The following RBFOX1 variants were observed in gnomAD, a reference collection of about 807,000 sequenced individuals.
RBFOX1 encodes the protein RNA binding protein fox-1 homolog 1.
RBFOX1 carries 8 observed loss-of-function variants against 57.7 expected under a neutral mutation model. The ratio of observed to expected loss-of-function variants is 0.14; its 90% CI spans 0.08 to 0.25. The LOEUF is 0.25. Among genes scored for constraint, RBFOX1 ranks in the 10% least tolerant of loss-of-function variants. The pLI is 1.00. For missense variants in RBFOX1, 611 were observed against 548.5 expected, an observed-to-expected ratio of 1.11 and a Z score of -1.14; for synonymous variants, 326 against 222.4, an observed-to-expected ratio of 1.47 and a Z score of -4.15.
intron 3 of RBFOX1, among the ~76,000 whole-genome samples, chr16:7,014,717 C>A (rs1003093087): frequency 2.6e-5 from 4 of 151,654 alleles, no homozygotes; most frequent in Admixed American, 1.3e-4. Flanking sequence ...AACTAGAAGC[C>A]AAGTTCTTTA....
chr16:7,494,137 A>T (rs139619790), intron 4 of RBFOX1, among the ~76,000 whole-genome samples: 2 of 152,316 alleles, frequency 1.3e-5, no homozygotes, highest in African/African-American at 4.8e-5. Flanking sequence ...GTGAGAAGAG[A>T]TAATTCACAT....
At chr16:6,431,892 GCTTGCTTTCTTTCTTTCTTT>G (rs1436675040) in intron 2 of RBFOX1, among the ~76,000 whole-genome samples, 132 of 118,234 alleles carry the variant, frequency 1.1e-3, no homozygotes, top group African/African-American at 2.9e-3. Context: ...ATGCTTGCTT[GCTTGCTTTCTTTCTTTCTTT>G]CTTTCTTTCT....
At chr16:5,738,995 T>C (rs1256426581) in intron 3 of RBFOX1, among the ~76,000 whole-genome samples, 1 of 149,596 alleles carries the variant, frequency 6.7e-6, no homozygotes, top group Admixed American at 6.7e-5. Flanking sequence ...CACACACCCC[T>C]TCCTCCACAA....
intron 3 of RBFOX1, among the ~76,000 whole-genome samples, chr16:6,824,250 C>A (rs1464265018): frequency 1.3e-5 from 2 of 152,162 alleles, no homozygotes; most frequent in African/African-American, 2.4e-5. Context: ...ACTAAAAATA[C>A]AAAAATTAGC....
chr16:5,553,461 G>A (rs368070732), intron 2 of RBFOX1, among the ~76,000 whole-genome samples: 3 of 151,856 alleles, frequency 2.0e-5, no homozygotes, highest in South Asian at 2.1e-4. Flanking sequence ...GACTACAGGC[G>A]CCCGCCACCA....
intron 2 of RBFOX1, among the ~76,000 whole-genome samples, chr16:6,644,263 C>G (rs1470896254): frequency 1.3e-5 from 2 of 152,204 alleles, no homozygotes; most frequent in Non-Finnish European, 2.9e-5. Context: ...TGCATCCAAA[C>G]TATCAGAAAG....
intron 2 of RBFOX1, among the ~76,000 whole-genome samples, chr16:6,609,114 A>G (rs771893370): frequency 3.3e-5 from 5 of 152,192 alleles, no homozygotes; most frequent in Non-Finnish European, 2.9e-5. Flanking sequence ...AAGGTCTGCT[A>G]ATCAGCAACC....
intron 5 of RBFOX1, among the ~76,000 whole-genome samples, chr16:7,544,233 G>C (rs761079931): frequency 3.9e-5 from 6 of 152,298 alleles, no homozygotes; most frequent in Non-Finnish European, 8.8e-5. Context: ...GATGTCTTTA[G>C]GGAAATTATG....
At chr16:6,988,804 G>T (rs900009237) in intron 3 of RBFOX1, among the ~76,000 whole-genome samples, 6 of 144,708 alleles carry the variant, frequency 4.1e-5, no homozygotes, top group African/African-American at 1.3e-4. Context: ...ATGGAGTCTT[G>T]CTCATTGCCC....
At chr16:6,511,117 A>G (rs2096247551) in intron 2 of RBFOX1, among the ~76,000 whole-genome samples, 1 of 152,168 alleles carries the variant, frequency 6.6e-6, no homozygotes, top group Non-Finnish European at 1.5e-5. Context: ...AAGAGCAGGC[A>G]CTGGATAAAG....
chr16:5,617,675 A>T lies in RBFOX1; in HGVS notation c.318+18714A>T, dbSNP rs901375855. ...TGAAAATGAGTTGTTTCTGAGGACT[A>T]TACCCTGGAAAGCTAGTGTTTTTTC... On this transcript the variant is annotated intron_variant, in intron 3 of 19. Coordinates refer to the RBFOX1 transcript ENST00000641259. Among the ~76,000 whole-genome samples, 3 of 152,190 alleles carry T rather than the reference A, an allele frequency of 2.0e-5. No homozygotes were observed. The East Asian group carries it at 5.8e-4, about 29-fold the overall frequency.
intron 14 of RBFOX1, among the ~76,000 whole-genome samples, chr16:7,695,287 A>C (rs994906677): frequency 6.6e-6 from 1 of 152,196 alleles, no homozygotes; most frequent in Non-Finnish European, 1.5e-5. Flanking sequence ...TCTCCCAGCA[A>C]GTTCACCTTG....
At chr16:6,856,257 A>G (rs953819695) in intron 3 of RBFOX1, among the ~76,000 whole-genome samples, 1 of 152,148 alleles carries the variant, frequency 6.6e-6, no homozygotes, top group African/African-American at 2.4e-5. Flanking sequence ...CCATCTGCTC[A>G]GATCTTTTTA....
chr16:7,385,915 GTTACTTATTTAT>G (rs770650940), intron 4 of RBFOX1, among the ~76,000 whole-genome samples: 8,209 of 89,012 alleles, frequency 0.092, 269 homozygotes, highest in South Asian at 0.16. Context: ...ACCATGCCCA[GTTACTTATTTAT>G]TTATTTATTT....
chr16:6,070,027 T>C (rs11642233), intron 1 of RBFOX1, among the ~76,000 whole-genome samples: 41,824 of 152,098 alleles, frequency 0.27, 5,947 homozygotes, highest in Non-Finnish European at 0.31. Context: ...AAAAAGTAAC[T>C]AAGTAGAGTA....
intron 3 of RBFOX1, among the ~76,000 whole-genome samples, chr16:5,725,791 C>T (rs1246308347): frequency 6.6e-6 from 1 of 152,000 alleles, no homozygotes; most frequent in Non-Finnish European, 1.5e-5. Context: ...TAGCTGCCCT[C>T]TCCCCACTCA....
chr16:7,689,736 C>T (rs1341950095), intron 14 of RBFOX1, among the ~76,000 whole-genome samples: 1 of 151,876 alleles, frequency 6.6e-6, no homozygotes, highest in Non-Finnish European at 1.5e-5. Flanking sequence ...AAAACCCAAG[C>T]AAGGATGATC....
At chr16:6,542,878 C>T (rs1344905984) in intron 2 of RBFOX1, among the ~76,000 whole-genome samples, 1 of 152,038 alleles carries the variant, frequency 6.6e-6, no homozygotes, top group Non-Finnish European at 1.5e-5. Context: ...ATTGGCCTGG[C>T]ATTGACTTCC....
chr16:6,569,092 G>T (rs916382724), intron 2 of RBFOX1, among the ~76,000 whole-genome samples: 1 of 152,188 alleles, frequency 6.6e-6, no homozygotes, highest in Non-Finnish European at 1.5e-5. Flanking sequence ...ACAGATTCTG[G>T]TGTCAGCAGC....
Sources: allele counts gnomAD v4.1 joint callset (sites outside exome capture counted in the v4.1 genomes callset), GRCh38; gene constraint gnomAD v4.1.1; transcripts MANE v1.5; gene names NCBI Gene and HGNC (gene_info 2026-07-23, HGNC 2026-07-21).